The following ADCY2 variants were observed in gnomAD, a reference collection of about 807,000 sequenced individuals.
The protein encoded by ADCY2 is adenylate cyclase type 2.
A neutral mutation model predicts 125.2 loss-of-function variants in ADCY2; 31 were observed. The observed-to-expected ratio is 0.25, with a 90% CI of 0.19 to 0.33. ADCY2 has a LOEUF of 0.33. Ranked by LOEUF, ADCY2 falls within the 10% of genes least tolerant of loss-of-function variation. The pLI, the probability that ADCY2 is intolerant of heterozygous loss-of-function variation, is 1.00. For missense variants in ADCY2, 904 were observed against 1,418.2 expected, an observed-to-expected ratio of 0.64 and a Z score of 5.82; for synonymous variants, 512 against 548.4, an observed-to-expected ratio of 0.93 and a Z score of 0.93.
At chr5:7,649,675 TACAACCGTC>T (rs1455198016) in intron 4 of ADCY2, among the ~76,000 whole-genome samples, 2 of 152,044 alleles carry the variant, frequency 1.3e-5, no homozygotes, top group Admixed American at 6.5e-5. Flanking sequence ...CTTACTGCTT[TACAACCGTC>T]TACACACTAA....
chr5:7,561,523 T>C (rs995014080), intron 3 of ADCY2, among the ~76,000 whole-genome samples: 3 of 146,162 alleles, frequency 2.1e-5, no homozygotes, highest in African/African-American at 8.4e-5. Flanking sequence ...TTGTCATTGA[T>C]TGAAACTTTC....
intron 9 of ADCY2, chr5:7,708,134 G>A (rs1010883195): frequency 1.3e-5 from 3 of 236,788 alleles, no homozygotes; most frequent in African/African-American, 2.3e-5. Context: ...GCATCTGAAA[G>A]CCTCCCAGTG....
chr5:7,624,412 A>G (rs564549249), intron 3 of ADCY2, among the ~76,000 whole-genome samples: 2 of 152,288 alleles, frequency 1.3e-5, no homozygotes, highest in African/African-American at 4.8e-5. Context: ...TCTGTCCCCA[A>G]ATCAAGGTCT....
chr5:7,720,552 C>A (rs4702490), intron 12 of ADCY2, among the ~76,000 whole-genome samples: 4 of 151,434 alleles, frequency 2.6e-5, no homozygotes, highest in African/African-American at 4.9e-5. Context: ...CCCTCTCCCC[C>A]CACCCCATGA....
At chr5:7,777,594 C>G (rs751233439) in intron 18 of ADCY2, among the ~76,000 whole-genome samples, 15 of 152,174 alleles carry the variant, frequency 9.9e-5, no homozygotes, top group Admixed American at 9.8e-4. Flanking sequence ...GAAGGCATCT[C>G]TGTTTAAAGG....
At chr5:7,511,932 T>C (rs184560741) in intron 2 of ADCY2, among the ~76,000 whole-genome samples, 25 of 151,686 alleles carry the variant, frequency 1.6e-4, no homozygotes, top group Admixed American at 5.3e-4. Context: ...CAGAAAATCA[T>C]TGGAGGGGCC....
intron 14 of ADCY2, among the ~76,000 whole-genome samples, chr5:7,739,328 G>A (rs1384543913): frequency 1.3e-5 from 2 of 151,638 alleles, no homozygotes; most frequent in Admixed American, 1.3e-4. Flanking sequence ...TCTAACCCAG[G>A]AGTCAAATAT....
At chr5:7,607,878 TA>T (rs34811574) in intron 3 of ADCY2, among the ~76,000 whole-genome samples, 5,257 of 152,254 alleles carry the variant, frequency 0.035, 297 homozygotes, top group African/African-American at 0.12. Flanking sequence ...AAATTGGTAT[TA>T]AATTTGGTGA....
chr5:7,519,219 T>G lies in ADCY2; in HGVS notation c.409-1519T>G, dbSNP rs560865341. ...TTCAGGTTGTAATACGTGGTGCAGA[T>G]TCCCAGGAGAGAAGAAGCCTGGTTT... On this transcript the variant is annotated intron_variant, in intron 2 of 24. Transcript: ENST00000338316. Among the ~76,000 whole-genome samples, 3 of 152,292 alleles carry G rather than the reference T, an allele frequency of 2.0e-5. No individual in the cohort carries two copies. The South Asian group carries it at 6.2e-4, about 32-fold the overall frequency.
At chr5:7,612,634 G>T (rs566875847) in intron 3 of ADCY2, among the ~76,000 whole-genome samples, 3 of 152,202 alleles carry the variant, frequency 2.0e-5, no homozygotes, top group East Asian at 1.9e-4. Context: ...GCTCCGGGAG[G>T]GGGTAGGGAA....
chr5:7,638,861 T>C (rs187220212), intron 4 of ADCY2, among the ~76,000 whole-genome samples: 20 of 152,270 alleles, frequency 1.3e-4, no homozygotes, highest in Admixed American at 1.1e-3. Flanking sequence ...ATAATTCCCA[T>C]GTGTCATGGG....
chr5:7,400,241 AT>A (rs551440258), intron 1 of ADCY2, among the ~76,000 whole-genome samples: 11 of 152,138 alleles, frequency 7.2e-5, no homozygotes, highest in African/African-American at 2.2e-4. Flanking sequence ...AATAAAGTAG[AT>A]TTTTTTTAGT....
intron 2 of ADCY2, among the ~76,000 whole-genome samples, chr5:7,501,057 G>A (rs1292269506): frequency 6.7e-6 from 1 of 149,266 alleles, no homozygotes; most frequent in East Asian, 2.0e-4. Flanking sequence ...CTTTATGTGT[G>A]TTTTAAAAGA....
chr5:7,403,697 T>C (rs1739353379), intron 1 of ADCY2, among the ~76,000 whole-genome samples: 1 of 152,216 alleles, frequency 6.6e-6, no homozygotes, highest in South Asian at 2.1e-4. Flanking sequence ...ACTTGTCTTT[T>C]TGTTCATTTT....
intron 15 of ADCY2, among the ~76,000 whole-genome samples, chr5:7,753,422 A>G (rs547723235): frequency 1.3e-5 from 2 of 152,220 alleles, no homozygotes; most frequent in South Asian, 4.1e-4. Flanking sequence ...CCAAAGATCA[A>G]AGAAAATGAC....
chr5:7,396,549 C>A lies in ADCY2; in HGVS notation c.210+43C>A. ...GGGTCCAGCGCCGCGCCTTCCCCGG[C>A]CCTGAGAGGAGCCCGGCCAGCCGAG... On this transcript the variant is annotated intron_variant, in intron 1 of 24. Transcript: ENST00000338316. The surrounding 1 kb of genome is among the most constrained non-coding windows in gnomAD (Gnocchi z 5.7). 6.6e-7 allele frequency: 1 copy of A among 1,508,850 alleles called. No homozygotes were observed. The highest frequency in any genetic ancestry group is 2.9e-5 in the East Asian group (1 of 34,978). 93.5% of individuals were successfully genotyped at this position (1,508,850 alleles called of 1,614,324 possible). A position where few individuals can be genotyped will look rare whatever the true frequency, so the allele number is the denominator to read the frequency against.
At chr5:7,589,385 A>G (rs1278817461) in intron 3 of ADCY2, among the ~76,000 whole-genome samples, 3 of 150,506 alleles carry the variant, frequency 2.0e-5, no homozygotes, top group Non-Finnish European at 4.4e-5. Context: ...CTGGCAAAAA[A>G]AAAGAAAGAA....
intron 1 of ADCY2, among the ~76,000 whole-genome samples, chr5:7,413,411 A>G (rs577757479): frequency 4.6e-5 from 7 of 151,854 alleles, no homozygotes; most frequent in African/African-American, 1.7e-4. Flanking sequence ...TCTCTGTCTC[A>G]GCCTCCGGAG....
At chr5:7,703,834 G>T (rs1323181744) in intron 7 of ADCY2, among the ~76,000 whole-genome samples, 1 of 151,792 alleles carries the variant, frequency 6.6e-6, no homozygotes, top group African/African-American at 2.4e-5. Flanking sequence ...CATTTTCCCT[G>T]TTTCTACAAA....
Sources: allele counts gnomAD v4.1 joint callset (sites outside exome capture counted in the v4.1 genomes callset), GRCh38; gene constraint gnomAD v4.1.1; non-coding constraint Gnocchi (gnomAD v3.1); transcripts MANE v1.5; gene names NCBI Gene and HGNC (gene_info 2026-07-23, HGNC 2026-07-21).